The following BCAS1 variants were observed in gnomAD, a reference collection of about 807,000 sequenced individuals.
BCAS1 encodes brain enriched myelin associated protein 1.
Under a neutral mutation model 65.4 loss-of-function variants are expected in BCAS1, and 46 were observed. The ratio of observed to expected loss-of-function variants is 0.70; its 90% confidence interval spans 0.55 to 0.90. The LOEUF is 0.90. Among genes scored for constraint, BCAS1 ranks in the 40% least tolerant of loss-of-function variants. The pLI is 0.00. For missense variants in BCAS1, 793 were observed against 771.2 expected (o/e 1.03, Z -0.33); for synonymous variants, 298 against 293.5 (o/e 1.02, Z -0.16).
intron 11 of BCAS1, among the ~76,000 whole-genome samples, chr20:53,955,773 A>G (rs2089679956): frequency 8.9e-6 from 1 of 112,506 alleles, no homozygotes; most frequent in South Asian, 3.4e-4. Flanking sequence ...TGGATTCTGA[A>G]AACACTCCTA....
At position 54,048,327 on chromosome 20, in the gene BCAS1, A is replaced by G. The variant is rs116237187; in HGVS notation, c.142+9758T>C. Among the ~76,000 whole-genome samples the G allele has an allele frequency of 4.4e-3, 667 of 152,202 alleles. 6 individuals are homozygous for G. Among genetic ancestry groups the G allele is most frequent in the African/African-American group, 0.015 (640 of 41,536 alleles). ...CTGTTTGTGGCCTGCCCAATAGCCAATCGTCTCCAGCCCCAACCATGTATT... is the reference window on the plus strand; with the variant it reads ...CTGTTTGTGGCCTGCCCAATAGCCAGTCGTCTCCAGCCCCAACCATGTATT... On this transcript the variant is annotated intron_variant, in intron 3 of 12. Coordinates refer to ENST00000688948, the MANE Select transcript of BCAS1 (RefSeq NM_001366298.2).
intron 12 of BCAS1, 88 bp from the exon 13 acceptor site, chr20:53,945,084 G>C: frequency 8.8e-7 from 1 of 1,138,538 alleles, no homozygotes; most frequent in Non-Finnish European, 1.3e-6. Flanking sequence ...CTTACTCTGT[G>C]CTAGGTGTTG....
At chr20:53,976,177 CAGTT>C (rs779089947) in intron 8 of BCAS1, among the ~76,000 whole-genome samples, 3 of 152,226 alleles carry the variant, frequency 2.0e-5, no homozygotes, top group Non-Finnish European at 4.4e-5. Context: ...ATCATTCTAT[CAGTT>C]AGCCAACTTT....
intron 1 of BCAS1, among the ~76,000 whole-genome samples, chr20:54,064,965 A>G (rs1448953616): frequency 1.3e-5 from 2 of 152,130 alleles, no homozygotes; most frequent in Non-Finnish European, 2.9e-5. Flanking sequence ...GTCCTGATAC[A>G]TCGTGGTACC....
intron 4 of BCAS1, among the ~76,000 whole-genome samples, chr20:54,005,121 G>A (rs1439318809): frequency 6.6e-6 from 1 of 152,104 alleles, no homozygotes; most frequent in Non-Finnish European, 1.5e-5. Flanking sequence ...GGAGCCTTAT[G>A]GTGGATAAAG....
Position 53,953,510 on chromosome 20 carries a change from G to A in BCAS1, c.1737C>T (p.Asn579=), listed in dbSNP as rs764522610. The part of the protein sequence containing the change: ...QCTEQATVDT[N]SLQNGDKLQK... ...GGAGCTTGTCCCCATTCTGCAGTGA[G>A]TTCGTGTCCACCGTGGCCTGCTCTG... The change falls in exon 12 of 13, where the codon AAC becomes AAT. Residue 579 remains asparagine (N), a synonymous_variant. Coordinates refer to ENST00000688948, the MANE Select transcript of BCAS1 (RefSeq NM_001366298.2). 1.1e-4 allele frequency: 175 copies of A among 1,613,918 alleles called. No homozygotes were observed. The highest frequency in any genetic ancestry group is 1.4e-4 in the Non-Finnish European group (168 of 1,180,026).
rs747483901 is a variant in BCAS1, at chr20:53,992,597, G to A, written c.977C>T (p.Ser326Phe). Residue 326 changes from serine to phenylalanine, a missense_variant, in exon 7 of 13, where the codon TCC becomes TTC. Physicochemically the swap from Ser to Phe is radical, Grantham distance 155. Coordinates refer to ENST00000688948, the MANE Select transcript of BCAS1 (RefSeq NM_001366298.2). The stretch of plus-strand genomic sequence containing the variant: ...CTTGGTGCCTCTAGCCTGGATCTCG[G>A]ATGTCTTCTGACCAGCTTGTCCATC... ...VCDGQAGQKT[S>F]EIQARGTKKK... The A allele has an allele frequency of 1.5e-6, 2 of 1,365,670 alleles. No homozygotes were observed. Among genetic ancestry groups the A allele is most frequent in the Non-Finnish European group, 9.8e-7 (1 of 1,021,682 alleles). The allele number at this position is 1,365,670 out of a possible 1,614,324, so 84.6% of individuals were successfully genotyped here.
chr20:54,041,314 T>G (rs1045583466), intron 3 of BCAS1, among the ~76,000 whole-genome samples: 16 of 151,228 alleles, frequency 1.1e-4, no homozygotes, highest in African/African-American at 3.9e-4. Context: ...AAAGGTGAAT[T>G]TTATGGTAGG....
At chr20:54,017,692 G>A (rs189899107) in intron 4 of BCAS1, among the ~76,000 whole-genome samples, 1 of 152,150 alleles carries the variant, frequency 6.6e-6, no homozygotes. Context: ...CACCACGCCC[G>A]GCCAATATGT....
rs1600772875 is a variant in BCAS1, at chr20:53,981,585, T to C, written c.1275+3702A>G. Among the ~76,000 whole-genome samples, 3 of 150,498 alleles carry C rather than the reference T, an allele frequency of 2.0e-5. No homozygotes were observed. The East Asian group carries it at 5.8e-4, about 29-fold the overall frequency. On this transcript the variant is annotated intron_variant, in intron 8 of 12. Coordinates refer to ENST00000688948, the MANE Select transcript of BCAS1 (RefSeq NM_001366298.2). ...CGATCCTCCCAATAAACACGAAAGATAGATGTCATTGGCCAATTTTATAAC... is the reference window on the plus strand; with the variant it reads ...CGATCCTCCCAATAAACACGAAAGACAGATGTCATTGGCCAATTTTATAAC...
At chr20:53,971,307 A>T (rs1046070625) in intron 9 of BCAS1, among the ~76,000 whole-genome samples, 4 of 152,228 alleles carry the variant, frequency 2.6e-5, no homozygotes, top group Admixed American at 6.5e-5. Flanking sequence ...GCATGTCCTT[A>T]TTGAAGGGAC....
At chr20:54,012,485 G>C (rs74806353) in intron 4 of BCAS1, among the ~76,000 whole-genome samples, 1 of 142,404 alleles carries the variant, frequency 7.0e-6, no homozygotes, top group Non-Finnish European at 1.5e-5. Context: ...AAAAAAAAAA[G>C]CTTGATAGGA....
chr20:53,951,232 G>A (rs1482197387), intron 12 of BCAS1, among the ~76,000 whole-genome samples: 2 of 152,166 alleles, frequency 1.3e-5, no homozygotes. Flanking sequence ...CAGCACTTTG[G>A]GAGGCTGAGG....
At chr20:53,966,655 C>T (rs540099261) in intron 10 of BCAS1, among the ~76,000 whole-genome samples, 19 of 152,276 alleles carry the variant, frequency 1.2e-4, no homozygotes, top group Middle Eastern at 6.8e-3. Flanking sequence ...CCAAGGGCAC[C>T]TCTTTTTTTG....
chr20:54,025,249 G>T (rs2091646465), intron 4 of BCAS1, among the ~76,000 whole-genome samples: 1 of 152,098 alleles, frequency 6.6e-6, no homozygotes, highest in Non-Finnish European at 1.5e-5. Context: ...TAAAGGTCAA[G>T]TTTGCATTAT....
chr20:54,015,685 A>G (rs1007886083), intron 4 of BCAS1, among the ~76,000 whole-genome samples: 2 of 152,252 alleles, frequency 1.3e-5, no homozygotes, highest in Middle Eastern at 3.2e-3. Context: ...TTTCTGAACA[A>G]TGAATTGTCA....
intron 9 of BCAS1, among the ~76,000 whole-genome samples, chr20:53,973,859 A>G (rs1022584236): frequency 1.3e-5 from 2 of 152,198 alleles, no homozygotes; most frequent in African/African-American, 2.4e-5. Context: ...ACAGATTTTG[A>G]GAGGTGAAGC....
chr20:54,021,057 T>C (rs1600894098), intron 4 of BCAS1, among the ~76,000 whole-genome samples: 1 of 152,288 alleles, frequency 6.6e-6, no homozygotes, highest in Non-Finnish European at 1.5e-5. Context: ...CAATGTTAGG[T>C]AGAGAAGATA....
chr20:54,057,229 C>T (rs898481140), intron 3 of BCAS1, among the ~76,000 whole-genome samples: 5 of 152,206 alleles, frequency 3.3e-5, no homozygotes, highest in Non-Finnish European at 7.3e-5. Flanking sequence ...TATAATTTAT[C>T]AGCTTCTGAG....
Sources: gnomAD v4.1 joint callset for allele counts (sites outside exome capture counted in the v4.1 genomes callset) on GRCh38, gnomAD v4.1.1 for gene constraint, MANE v1.5 for transcripts, NCBI Gene and HGNC (gene_info 2026-07-23, HGNC 2026-07-21) for gene names.